PAK6: variants seen among roughly 807,000 people sequenced by gnomAD.
The protein encoded by PAK6 is p21 (RAC1) activated kinase 6.
A neutral mutation model predicts 60.8 loss-of-function variants in PAK6; 33 were observed. That is an observed-to-expected ratio of 0.54 (90% CI 0.41 to 0.73). The LOEUF is 0.73. Among genes scored for constraint, PAK6 ranks in the 30% least tolerant of loss-of-function variants. The probability of loss-of-function intolerance (pLI) is 0.00; values close to 1 mark genes in which losing one functional copy is unlikely to be tolerated. For missense variants in PAK6, 845 were observed against 904.1 expected (o/e 0.93, Z 0.84); for synonymous variants, 404 against 378.5 (o/e 1.07, Z -0.78).
At chr15:40,272,153 C>A in intron 5 of PAK6, 71 bp from the exon 6 acceptor site, 1 of 1,527,870 alleles carries the variant, frequency 6.5e-7, no homozygotes. Flanking sequence ...CGGCGGCCAG[C>A]CCCTGCCTCC....
At chr15:40,262,735 CAG>C (rs1301653261) in intron 3 of PAK6, among the ~76,000 whole-genome samples, 1 of 152,184 alleles carries the variant, frequency 6.6e-6, no homozygotes, top group African/African-American at 2.4e-5. Flanking sequence ...AGCTTCAAGA[CAG>C]GGATTCAAAG....
At chr15:40,253,068 G>T (rs780551276) in intron 2 of PAK6, 110 bp from the exon 3 acceptor site, 154 of 395,146 alleles carry the variant, frequency 3.9e-4, no homozygotes, top group Non-Finnish European at 7.0e-4. Context: ...GAGTTCAGTC[G>T]GGAGGCGGGC....
chr15:40,241,580 G>A (rs186584836), intron 2 of PAK6, among the ~76,000 whole-genome samples: 182 of 152,292 alleles, frequency 1.2e-3, no homozygotes, highest in African/African-American at 3.9e-3. Context: ...GTGACAGAGC[G>A]CCTGGTCAGG....
intron 2 of PAK6, chr15:40,252,167 C>T: frequency 1.3e-6 from 1 of 765,908 alleles, no homozygotes; most frequent in Non-Finnish European, 1.8e-6. Context: ...CCCGCGTGGG[C>T]TCTCCAGGAT....
chr15:40,269,847 G>A (rs899394126), intron 5 of PAK6, among the ~76,000 whole-genome samples: 8 of 152,262 alleles, frequency 5.3e-5, no homozygotes, highest in African/African-American at 1.4e-4. Flanking sequence ...GACCTGGCCT[G>A]TGGAGACAGG....
At chr15:40,267,591 A>G (rs375610729) in intron 5 of PAK6, among the ~76,000 whole-genome samples, 9 of 152,300 alleles carry the variant, frequency 5.9e-5, no homozygotes, top group East Asian at 5.8e-4. Context: ...CCCGGGAGGC[A>G]GAGCTTGCCG....
chr15:40,247,980 G>A (rs759908355), intron 2 of PAK6, among the ~76,000 whole-genome samples: 3 of 152,140 alleles, frequency 2.0e-5, no homozygotes, highest in Non-Finnish European at 2.9e-5. Context: ...CCGTTTGGGG[G>A]TGCTGCTCCT....
intron 9 of PAK6, 69 bp downstream of exon 9, chr15:40,273,745 C>T (rs2039374993): frequency 1.3e-6 from 2 of 1,572,086 alleles, no homozygotes; most frequent in Non-Finnish European, 1.7e-6. Context: ...TCTGCTGTGG[C>T]CCCTCCAGTG....
chr15:40,259,666 A>G (rs1182173745), intron 3 of PAK6: 6 of 151,902 alleles, frequency 3.9e-5, no homozygotes, highest in Non-Finnish European at 8.8e-5. Context: ...GCACACCTAT[A>G]GTCTCAGCTA....
In PAK6 at chr15:40,264,923, A is replaced by T. The variant is rs1312487373; in HGVS notation, c.138A>T (p.Thr46=). The T allele has an allele frequency of 1.9e-6, 3 of 1,613,716 alleles. No homozygotes were observed. The Admixed American group carries it at 5.0e-5, about 27-fold the overall frequency. The change falls in exon 4 of 11, where the codon ACA becomes ACT. Residue 46 remains threonine (T), a synonymous_variant. Transcript: ENST00000560346. ...CACAATGGCAGAACATCCTGGACAC[A>T]CTGCGGCGCCCCAAGCCCGTGGTGG...
intron 3 of PAK6, among the ~76,000 whole-genome samples, chr15:40,261,422 A>G (rs1179457083): frequency 6.6e-6 from 1 of 151,970 alleles, no homozygotes; most frequent in Non-Finnish European, 1.5e-5. Flanking sequence ...CTGTAGTCCC[A>G]GCTACTCAGT....
intron 3 of PAK6, chr15:40,263,916 C>G (rs966976202): frequency 2.0e-5 from 9 of 455,896 alleles, no homozygotes; most frequent in African/African-American, 4.0e-5. Flanking sequence ...CATGCCCGGC[C>G]CAGGTGATGT....
At chr15:40,259,647 C>G (rs374055005) in intron 3 of PAK6, 1 of 151,860 alleles carries the variant, frequency 6.6e-6, no homozygotes, top group African/African-American at 2.4e-5. Context: ...ATTAGCCGGA[C>G]GTGGTGGTGC....
chr15:40,243,452 T>G (rs1195630151), intron 2 of PAK6, among the ~76,000 whole-genome samples: 1 of 152,156 alleles, frequency 6.6e-6, no homozygotes. Flanking sequence ...TTAGGGTTGT[T>G]GAGAGGATTA....
chr15:40,275,758 G>GCTATA (rs995919452), intron 10 of PAK6, among the ~76,000 whole-genome samples, 169 bp from the exon 11 acceptor site: 1 of 152,180 alleles, frequency 6.6e-6, no homozygotes, highest in Non-Finnish European at 1.5e-5. Context: ...CTTCCACAGA[G>GCTATA]CTATAGCATC....
At chr15:40,268,739 C>A (rs780478375) in intron 5 of PAK6, among the ~76,000 whole-genome samples, 1 of 152,198 alleles carries the variant, frequency 6.6e-6, no homozygotes, top group East Asian at 1.9e-4. Context: ...CGTGGGGGCA[C>A]AGAGACCAAA....
At chr15:40,270,261 C>G (rs2039264216) in intron 5 of PAK6, among the ~76,000 whole-genome samples, 1 of 152,168 alleles carries the variant, frequency 6.6e-6, no homozygotes, top group African/African-American at 2.4e-5. Context: ...TGGCCATGCG[C>G]CCTCCACCCC....
At chr15:40,252,994 G>C in intron 2 of PAK6, 184 bp from the exon 3 acceptor site, 1 of 486,304 alleles carries the variant, frequency 2.1e-6, no homozygotes, top group Non-Finnish European at 3.3e-6. Flanking sequence ...GCGGTGCTGC[G>C]CCCAACGTCC....
chr15:40,243,862 T>C (rs2140940764), intron 2 of PAK6, among the ~76,000 whole-genome samples: 1 of 152,372 alleles, frequency 6.6e-6, no homozygotes, highest in Non-Finnish European at 1.5e-5. Flanking sequence ...GCTGTGGCCC[T>C]GGCCCTACTC....
Sources: gnomAD v4.1 joint callset for allele counts (sites outside exome capture counted in the v4.1 genomes callset) on GRCh38, gnomAD v4.1.1 for gene constraint, MANE v1.5 for transcripts, NCBI Gene and HGNC (gene_info 2026-07-23, HGNC 2026-07-21) for gene names.